Variants in RARB observed in about 807,000 individuals in gnomAD.
RARB encodes the protein retinoic acid receptor beta.
A neutral mutation model predicts 51.9 loss-of-function variants in RARB; 17 were observed. The observed-to-expected ratio is 0.33, with a 90% CI of 0.22 to 0.49. The LOEUF is 0.49. Ranked by LOEUF, RARB falls within the 20% of genes least tolerant of loss-of-function variation. The probability of loss-of-function intolerance (pLI) is 0.99; values close to 1 mark genes in which losing one functional copy is unlikely to be tolerated. For missense variants in RARB, 369 were observed against 550.8 expected, an observed-to-expected ratio of 0.67 and a Z score of 3.30; for synonymous variants, 215 against 195.4, an observed-to-expected ratio of 1.10 and a Z score of -0.84.
At chr3:25,462,395 A>G (rs550968703) in intron 2 of RARB, 1 of 152,328 alleles carries the variant, frequency 6.6e-6, no homozygotes, top group South Asian at 2.1e-4. Flanking sequence ...GTTTTGAACT[A>G]GCCCTTCCCT....
chr3:25,183,338 T>C (rs1035537801), intron 5 of RARB, among the ~76,000 whole-genome samples: 1 of 152,286 alleles, frequency 6.6e-6, no homozygotes, highest in East Asian at 1.9e-4. Flanking sequence ...GTGATTATAA[T>C]TCACAATGTT....
chr3:25,413,998 T>C (rs1371837689), intron 5 of RARB, among the ~76,000 whole-genome samples: 4 of 152,306 alleles, frequency 2.6e-5, no homozygotes, highest in South Asian at 4.1e-4. Context: ...AATCAAGATA[T>C]AAACATTTCC....
intron 5 of RARB, among the ~76,000 whole-genome samples, chr3:25,291,926 A>G (rs1703797685): frequency 6.6e-6 from 1 of 152,150 alleles, no homozygotes; most frequent in Non-Finnish European, 1.5e-5. Context: ...TCTTTAACCC[A>G]GGACTTTAAC....
chr3:25,593,717 A>C lies in RARB; in HGVS notation c.991+10A>C. 6.2e-7 allele frequency: 1 copy of C among 1,609,716 alleles called. No individual in the cohort carries two copies. The highest frequency in any genetic ancestry group is 8.5e-7 in the Non-Finnish European group (1 of 1,176,256). ...TGCTTAATCTGTGGAGGTACCAACT[A>C]TGTAGAAAAGCCTCATGAAATTCCA... On this transcript the variant is annotated intron_variant, in intron 6 of 7. Transcript: ENST00000330688.
intron 5 of RARB, among the ~76,000 whole-genome samples, chr3:25,365,106 GA>G (rs2125467056): frequency 6.6e-6 from 1 of 150,874 alleles, no homozygotes; most frequent in South Asian, 2.1e-4. Flanking sequence ...TGGCAGTACA[GA>G]AAATGAGACC....
intron 2 of RARB, among the ~76,000 whole-genome samples, chr3:24,893,778 G>C (rs2125366083): frequency 6.6e-6 from 1 of 151,738 alleles, no homozygotes; most frequent in South Asian, 2.1e-4. Flanking sequence ...TCCTACCTTA[G>C]TCTCCCAAAG....
At chr3:24,977,095 C>G (rs1355874457) in intron 2 of RARB, among the ~76,000 whole-genome samples, 2 of 151,778 alleles carry the variant, frequency 1.3e-5, no homozygotes, top group African/African-American at 4.8e-5. Context: ...ATTTTTGAGG[C>G]CTCTGTTCTG....
intron 2 of RARB, among the ~76,000 whole-genome samples, chr3:25,484,484 G>A (rs1696371964): frequency 6.6e-6 from 1 of 151,906 alleles, no homozygotes; most frequent in Admixed American, 6.6e-5. Flanking sequence ...TTAGCCAGGG[G>A]TTGTCAAATT....
At chr3:25,037,173 C>G (rs1161261021) in intron 2 of RARB, among the ~76,000 whole-genome samples, 1 of 151,708 alleles carries the variant, frequency 6.6e-6, no homozygotes, top group African/African-American at 2.4e-5. Flanking sequence ...ATAAATAGCT[C>G]TGATTGACTT....
At chr3:25,037,434 G>T (rs761751872) in intron 2 of RARB, among the ~76,000 whole-genome samples, 10 of 152,012 alleles carry the variant, frequency 6.6e-5, no homozygotes, top group Non-Finnish European at 1.5e-4. Context: ...TTCCCTGACT[G>T]TTTTGTTCAC....
chr3:24,965,306 T>C (rs1207034867), intron 2 of RARB, among the ~76,000 whole-genome samples: 1 of 152,150 alleles, frequency 6.6e-6, no homozygotes, highest in Non-Finnish European at 1.5e-5. Flanking sequence ...AGAGTGGTCA[T>C]GCCACAGCAG....
At chr3:25,492,251 C>T (rs997371605) in intron 2 of RARB, among the ~76,000 whole-genome samples, 1 of 152,112 alleles carries the variant, frequency 6.6e-6, no homozygotes, top group African/African-American at 2.4e-5. Context: ...AGTATGGTAT[C>T]CAAGGTCATG....
intron 2 of RARB, among the ~76,000 whole-genome samples, chr3:24,934,999 A>G (rs1424596588): frequency 2.0e-5 from 3 of 152,152 alleles, no homozygotes; most frequent in Admixed American, 2.0e-4. Context: ...AACGAACCCT[A>G]TCATGTGGTA....
intron 5 of RARB, among the ~76,000 whole-genome samples, chr3:25,327,755 C>G (rs322665): frequency 0.85 from 129,964 of 152,196 alleles, 55,774 homozygotes; most frequent in East Asian, 1. Flanking sequence ...CATGACAGCT[C>G]TATGATGGCT....
At chr3:25,536,991 A>T (rs1699168651) in intron 3 of RARB, among the ~76,000 whole-genome samples, 1 of 152,234 alleles carries the variant, frequency 6.6e-6, no homozygotes, top group Admixed American at 6.5e-5. Context: ...TCCCAGAATC[A>T]TGAGAAAAAC....
chr3:25,402,443 C>A (rs1372571290), intron 5 of RARB, among the ~76,000 whole-genome samples: 1 of 152,158 alleles, frequency 6.6e-6, no homozygotes, highest in African/African-American at 2.4e-5. Context: ...TCTAGCAATC[C>A]CACTGCTAGG....
At chr3:25,350,491 C>G (rs975854213) in intron 5 of RARB, among the ~76,000 whole-genome samples, 1 of 152,126 alleles carries the variant, frequency 6.6e-6, no homozygotes, top group Non-Finnish European at 1.5e-5. Flanking sequence ...AACTTTCTGC[C>G]CAAACACTCT....
At position 24,913,805 on chromosome 3, in the gene RARB, T is replaced by C. The variant is rs79477275; in HGVS notation, c.-380+55053T>C. Among the ~76,000 whole-genome samples, 387 of 152,344 alleles carry C rather than the reference T, an allele frequency of 2.5e-3. 9 individuals carry two copies. In the East Asian group the frequency reaches 0.062, roughly 24 times the overall value. Reference sequence around the variant, plus strand: ...AGATTAAGGATCAGGTCAATAATTATGAATTTGTAAATCTAAAAGCAACAT... The same window carrying C: ...AGATTAAGGATCAGGTCAATAATTACGAATTTGTAAATCTAAAAGCAACAT... On this transcript the variant is annotated intron_variant, in intron 2 of 11. Transcript: ENST00000383772.
At chr3:24,967,348 A>C (rs1696298263) in intron 2 of RARB, among the ~76,000 whole-genome samples, 1 of 152,086 alleles carries the variant, frequency 6.6e-6, no homozygotes, top group South Asian at 2.1e-4. Flanking sequence ...AAGGCTACCT[A>C]TGTTTGCCCA....
Sources: allele counts gnomAD v4.1 joint callset (sites outside exome capture counted in the v4.1 genomes callset), GRCh38; gene constraint gnomAD v4.1.1; transcripts MANE v1.5; gene names NCBI Gene and HGNC (gene_info 2026-07-23, HGNC 2026-07-21).